Variants in ALDH5A1 observed in about 807,000 individuals in gnomAD.
ALDH5A1 encodes succinate-semialdehyde dehydrogenase, mitochondrial.
A neutral mutation model predicts 54.7 loss-of-function variants in ALDH5A1; 33 were observed. The observed-to-expected ratio is 0.60, with a 90% CI of 0.46 to 0.81. The LOEUF is 0.81. Among genes scored for constraint, ALDH5A1 ranks in the 30% least tolerant of loss-of-function variants. The probability of loss-of-function intolerance (pLI) is 0.00; values close to 1 mark genes in which losing one functional copy is unlikely to be tolerated. For synonymous variants in ALDH5A1, 294 were observed against 292.7 expected (o/e 1.00, Z -0.05); for missense variants, 657 against 711.0 (o/e 0.92, Z 0.86).
At chr6:24,514,736 AAAAG>A (rs1050304495) in intron 4 of ALDH5A1, among the ~76,000 whole-genome samples, 3 of 151,976 alleles carry the variant, frequency 2.0e-5, no homozygotes, top group South Asian at 2.1e-4. Context: ...TTAAAAAAAA[AAAAG>A]AAAGAAAGAA....
At chr6:24,502,635 T>C in intron 2 of ALDH5A1, 29 bp downstream of exon 2, 53 of 1,567,742 alleles carry the variant, frequency 3.4e-5, no homozygotes, top group Non-Finnish European at 4.7e-5. Context: ...CTTGGTGCAC[T>C]GAGAAATTCT....
At chr6:24,505,694 C>T (rs1581809112) in intron 4 of ALDH5A1, among the ~76,000 whole-genome samples, 1 of 152,108 alleles carries the variant, frequency 6.6e-6, no homozygotes. Flanking sequence ...TTTGGCTGGG[C>T]GTGGTGGCTC....
In ALDH5A1 at chr6:24,534,763, C is replaced by A; in HGVS notation, c.*1051C>A. On this transcript the variant is annotated 3_prime_UTR_variant, in exon 10 of 10. Coordinates refer to ENST00000357578, the MANE Select transcript of ALDH5A1 (RefSeq NM_001080.3). ...TGCCCACTTGCCCACCGACCTGAGC[C>A]TGAGTAAGTGGCTGTCACCTGAGCC... The A allele has an allele frequency of 6.6e-6, 1 of 152,450 alleles. No homozygotes were observed. The highest frequency in any genetic ancestry group is 1.5e-5 in the Non-Finnish European group (1 of 68,122). 9.4% of individuals were successfully genotyped at this position (152,450 alleles called of 1,614,324 possible).
Position 24,515,877 on chromosome 6 carries a change from G to T in ALDH5A1, c.870+567G>T, listed in dbSNP as rs565405519. Among the ~76,000 whole-genome samples, 6 of 152,278 alleles carry T rather than the reference G, an allele frequency of 3.9e-5. No homozygotes were observed. The South Asian group carries it at 1.2e-3, about 32-fold the overall frequency. On this transcript the variant is annotated intron_variant, in intron 5 of 9. Transcript: ENST00000357578. Reference sequence around the variant, plus strand: ...TATTTTTGCATTATTTGTTGTATATGAAGTGGGTGAAAGTTCTCCACTGTA... The same window carrying T: ...TATTTTTGCATTATTTGTTGTATATTAAGTGGGTGAAAGTTCTCCACTGTA...
At chr6:24,521,320 T>C (rs1226483501) in intron 6 of ALDH5A1, among the ~76,000 whole-genome samples, 1 of 152,216 alleles carries the variant, frequency 6.6e-6, no homozygotes, top group Non-Finnish European at 1.5e-5. Flanking sequence ...AATGAAACTC[T>C]AGAAAGAAAA....
intron 8 of ALDH5A1, among the ~76,000 whole-genome samples, chr6:24,530,318 G>A (rs183106344): frequency 2.6e-5 from 4 of 151,566 alleles, no homozygotes; most frequent in African/African-American, 7.3e-5. Context: ...GATTCTTCCT[G>A]CTTCATTATT....
At chr6:24,503,670 G>T (rs2817219) in intron 3 of ALDH5A1, among the ~76,000 whole-genome samples, 1 of 152,000 alleles carries the variant, frequency 6.6e-6, no homozygotes, top group Admixed American at 6.5e-5. Flanking sequence ...GGGATGAGCC[G>T]CAGGAGGACC....
chr6:24,519,961 A>C (rs776477734), intron 5 of ALDH5A1, among the ~76,000 whole-genome samples: 14 of 118,656 alleles, frequency 1.2e-4, no homozygotes, highest in Non-Finnish European at 1.9e-4. Flanking sequence ...AGACAGTATT[A>C]ATGTTTACCA....
In ALDH5A1 at chr6:24,495,018, C is replaced by T. The variant is rs767601869; in HGVS notation, c.22C>T (p.Arg8Trp). MATCIWL[R>W]SCGARRLGST... ...GGCCATGGCGACCTGCATTTGGCTG[C>T]GGAGCTGTGGGGCCCGGCGCCTCGG... The change falls in exon 1 of 10, where the codon CGG becomes TGG. Residue 8 changes from arginine to tryptophan, a missense_variant. Coordinates refer to ENST00000357578, the MANE Select transcript of ALDH5A1 (RefSeq NM_001080.3). The T allele has an allele frequency of 9.8e-5, 130 of 1,329,542 alleles. No homozygotes were observed. Among genetic ancestry groups the T allele is most frequent in the Non-Finnish European group, 1.2e-4 (122 of 1,043,012 alleles). The allele number at this position is 1,329,542 out of a possible 1,614,324, so 82.4% of individuals were successfully genotyped here. A position where few individuals can be genotyped will look rare whatever the true frequency, so the allele number is the denominator to read the frequency against.
At chr6:24,505,037 T>C (rs780483139) in intron 4 of ALDH5A1, 52 bp downstream of exon 4, 10 of 1,587,868 alleles carry the variant, frequency 6.3e-6, no homozygotes, top group Non-Finnish European at 8.6e-6. Context: ...CAAAAATTGA[T>C]GTTTATCTGG....
At chr6:24,500,253 ATGT>A (rs1764793782) in intron 1 of ALDH5A1, among the ~76,000 whole-genome samples, 1 of 152,166 alleles carries the variant, frequency 6.6e-6, no homozygotes, top group South Asian at 2.1e-4. Context: ...AAGTGCATTC[ATGT>A]TGTTGTGCCT....
rs142720712 is a variant in ALDH5A1, at chr6:24,531,399, A to C, written c.1344-720A>C. Among the ~76,000 whole-genome samples, 845 of 152,348 alleles carry C rather than the reference A, an allele frequency of 5.5e-3. 23 individuals carry two copies. Among genetic ancestry groups the C allele is most frequent in the Admixed American group, 0.025 (382 of 15,310 alleles). On this transcript the variant is annotated intron_variant, in intron 8 of 9. Coordinates refer to ENST00000357578, the MANE Select transcript of ALDH5A1 (RefSeq NM_001080.3). ...ATGTAGCTCTAGACTTTGCTACTTC[A>C]TAACTGTGTACCCTTGGACAAATTG...
At chr6:24,495,751 AG>A (rs970901273) in intron 1 of ALDH5A1, among the ~76,000 whole-genome samples, 7 of 152,226 alleles carry the variant, frequency 4.6e-5, no homozygotes, top group South Asian at 2.1e-4. Flanking sequence ...CCGCAGCTGC[AG>A]GGAGCCCACG....
At chr6:24,520,261 C>A in intron 5 of ALDH5A1, 140 bp from the exon 6 acceptor site, 1 of 943,994 alleles carries the variant, frequency 1.1e-6, no homozygotes, top group Non-Finnish European at 1.7e-6. Flanking sequence ...TCTTATTTCT[C>A]CGTTTTCTTA....
chr6:24,525,634 C>T (rs939631030), intron 7 of ALDH5A1, among the ~76,000 whole-genome samples: 2 of 151,970 alleles, frequency 1.3e-5, no homozygotes, highest in Non-Finnish European at 1.5e-5. Context: ...CTTGAACCCA[C>T]GAGGCGGAGG....
rs1451237170 is a variant in ALDH5A1, at chr6:24,533,993, A to T, written c.*281A>T. On this transcript the variant is annotated 3_prime_UTR_variant, in exon 10 of 10. Transcript: ENST00000357578. ...CCCACCACAGCCCCAGCTGCCTCAG[A>T]GCAGGCACAGCACAAGGCAGGCCCA... The T allele has an allele frequency of 9.9e-6, 4 of 402,850 alleles. No individual in the cohort carries two copies. Among genetic ancestry groups the T allele is most frequent in the Non-Finnish European group, 1.4e-5 (3 of 214,488 alleles). 25.0% of individuals were successfully genotyped at this position (402,850 alleles called of 1,614,324 possible). A position where few individuals can be genotyped will look rare whatever the true frequency, so the allele number is the denominator to read the frequency against.
At chr6:24,506,854 T>C (rs1210754970) in intron 4 of ALDH5A1, among the ~76,000 whole-genome samples, 1 of 125,240 alleles carries the variant, frequency 8.0e-6, no homozygotes, top group Non-Finnish European at 1.8e-5. Context: ...AGTATATTTG[T>C]TACAATTAAT....
At chr6:24,519,493 A>G (rs1436658369) in intron 5 of ALDH5A1, among the ~76,000 whole-genome samples, 2 of 151,968 alleles carry the variant, frequency 1.3e-5, no homozygotes, top group African/African-American at 4.8e-5. Context: ...TGAACCCAGA[A>G]GGTGGAGGTT....
chr6:24,521,146 A>C (rs1413701265), intron 6 of ALDH5A1, among the ~76,000 whole-genome samples: 1 of 152,250 alleles, frequency 6.6e-6, no homozygotes, highest in Non-Finnish European at 1.5e-5. Context: ...GGTGCCCTCT[A>C]CAGGGCACAG....
Sources: allele counts gnomAD v4.1 joint callset (sites outside exome capture counted in the v4.1 genomes callset), GRCh38; gene constraint gnomAD v4.1.1; transcripts MANE v1.5; gene names NCBI Gene and HGNC (gene_info 2026-07-23, HGNC 2026-07-21).